The following SPINK5 variants were observed in gnomAD, a reference collection of about 807,000 sequenced individuals.
SPINK5 encodes the protein serine protease inhibitor Kazal-type 5.
Under a neutral mutation model 151.8 loss-of-function variants are expected in SPINK5, and 125 were observed. The observed-to-expected ratio is 0.82, with a 90% CI of 0.71 to 0.96. SPINK5 has a LOEUF of 0.96. Among genes scored for constraint, SPINK5 ranks in the 40% least tolerant of loss-of-function variants. The pLI is 0.00. For synonymous variants in SPINK5, 374 were observed against 395.3 expected (o/e 0.95, Z 0.64); for missense variants, 1,194 against 1,291.9 (o/e 0.92, Z 1.16).
Position 148,112,930 on chromosome 5 carries a change from A to T in SPINK5, c.1883A>T (p.Glu628Val). The T allele has an allele frequency of 6.2e-7, 1 of 1,613,746 alleles. No homozygotes were observed. The highest frequency in any genetic ancestry group is 8.5e-7 in the Non-Finnish European group (1 of 1,179,814). The stretch of plus-strand genomic sequence containing the variant: ...AGAGCAAAAGTCAAAAGAGAAGCTG[A>T]AAAGGTAGTAATCCTGAATGTTTAT... ...EPRAKVKREAEKETCDEFRRL... is the reference protein window; with the variant it reads ...EPRAKVKREAVKETCDEFRRL... Residue 628 changes from glutamate to valine, a missense_variant, in exon 20 of 33, where the codon GAA becomes GTA. Transcript: ENST00000256084.
intron 30 of SPINK5, among the ~76,000 whole-genome samples, chr5:148,130,163 CT>C (rs1215399003): frequency 6.6e-6 from 1 of 151,798 alleles, no homozygotes; most frequent in African/African-American, 2.4e-5. Flanking sequence ...TTTAGAACCT[CT>C]TTCTTTTCTA....
At chr5:148,094,115 T>C (rs1365037423) in intron 8 of SPINK5, among the ~76,000 whole-genome samples, 1 of 151,834 alleles carries the variant, frequency 6.6e-6, no homozygotes, top group African/African-American at 2.4e-5. Context: ...GGCAACATGA[T>C]GAGATCCAGT....
chr5:148,123,512 A>ATTATATATATATATATATAT (rs1561703850), intron 26 of SPINK5, among the ~76,000 whole-genome samples: 5 of 120,952 alleles, frequency 4.1e-5, no homozygotes, highest in African/African-American at 1.8e-4. Flanking sequence ...GCAGTGGTGC[A>ATTATATATATATATATATAT]ATATATGTGT....
At chr5:148,113,883 A>G (rs1754012238) in intron 20 of SPINK5, among the ~76,000 whole-genome samples, 1 of 152,176 alleles carries the variant, frequency 6.6e-6, no homozygotes, top group African/African-American at 2.4e-5. Context: ...TTCTTTTGCT[A>G]AATATAACTA....
At chr5:148,069,234 TTAA>T (rs891644358) in intron 2 of SPINK5, among the ~76,000 whole-genome samples, 114 of 151,824 alleles carry the variant, frequency 7.5e-4, no homozygotes, top group African/African-American at 2.3e-3. Flanking sequence ...TAGCAGGACT[TTAA>T]TAATAATATT....
intron 24 of SPINK5, among the ~76,000 whole-genome samples, chr5:148,119,776 A>G (rs1033767317): frequency 2.0e-5 from 3 of 152,196 alleles, no homozygotes; most frequent in African/African-American, 4.8e-5. Context: ...AATTCAACTG[A>G]TTAGCAATCT....
chr5:148,086,755 T>C (rs1449148012), intron 5 of SPINK5, among the ~76,000 whole-genome samples: 3 of 151,650 alleles, frequency 2.0e-5, no homozygotes, highest in African/African-American at 7.3e-5. Context: ...TATCAGATGG[T>C]TATCACTTTA....
At chr5:148,074,555 T>C (rs1219064419) in intron 4 of SPINK5, among the ~76,000 whole-genome samples, 1 of 151,830 alleles carries the variant, frequency 6.6e-6, no homozygotes, top group Non-Finnish European at 1.5e-5. Context: ...CTTTAATAAC[T>C]AGTATGGTAA....
intron 2 of SPINK5, among the ~76,000 whole-genome samples, chr5:148,066,701 G>A (rs1752596075): frequency 6.6e-6 from 1 of 151,950 alleles, no homozygotes; most frequent in Non-Finnish European, 1.5e-5. Context: ...GAAAAAAGAA[G>A]GATATTATAT....
In SPINK5 at chr5:148,070,451, G is replaced by T; in HGVS notation, c.209+1G>T. On this transcript the variant is annotated splice_donor_variant, in intron 3 of 32. Coordinates refer to ENST00000256084, the MANE Select transcript of SPINK5 (RefSeq NM_006846.4). LOFTEE classifies it high-confidence loss of function. Reference sequence around the variant, plus strand: ...AATGTGCCACGTGCAAAATGATACTGTGAGTAAAGGTTTCTTTCTTTCTTT... The same window carrying T: ...AATGTGCCACGTGCAAAATGATACTTTGAGTAAAGGTTTCTTTCTTTCTTT... 1.2e-6 allele frequency: 2 copies of T among 1,612,204 alleles called. No individual in the cohort carries two copies. Among genetic ancestry groups the T allele is most frequent in the Non-Finnish European group, 1.7e-6 (2 of 1,178,796 alleles).
rs377250653 is a variant in SPINK5, at chr5:148,114,271, T to TC, written c.1888-91_1888-90insC. ...AAATTCTCAGGTCATTTTCTCTCTC[T>TC]TTTTTTTTTTTCTATAAAGCACTTA... On this transcript the variant is annotated intron_variant, in intron 20 of 32. Coordinates refer to ENST00000256084, the MANE Select transcript of SPINK5 (RefSeq NM_006846.4). 1,472 of 856,112 alleles carry TC rather than the reference T, an allele frequency of 1.7e-3. 17 individuals are homozygous for TC. The East Asian group carries it at 0.05, about 29-fold the overall frequency. 53.0% of individuals were successfully genotyped at this position (856,112 alleles called of 1,614,324 possible).
intron 16 of SPINK5, 131 bp from the exon 17 acceptor site, chr5:148,106,902 ATACT>A (rs1429924517): frequency 7.1e-6 from 8 of 1,124,132 alleles, no homozygotes; most frequent in Non-Finnish European, 1.0e-5. Flanking sequence ...AGCTTTGTAA[ATACT>A]TACTGATTTA....
intron 2 of SPINK5, among the ~76,000 whole-genome samples, chr5:148,068,515 C>G (rs1156377350): frequency 8.5e-6 from 1 of 117,244 alleles, no homozygotes; most frequent in East Asian, 2.7e-4. Context: ...TACTGGAGTT[C>G]AAGACCAGCC....
chr5:148,127,080 G>A lies in SPINK5; in HGVS notation c.2964+1G>A. The A allele has an allele frequency of 1.9e-6, 3 of 1,608,888 alleles. No individual in the cohort carries two copies. Among genetic ancestry groups the A allele is most frequent in the Non-Finnish European group, 2.6e-6 (3 of 1,176,088 alleles). ...CAGCCCAGACTCTTTCAGTTCTCTG[G>A]TAAGGAGGACTATTTCTGAAAAGCT... On this transcript the variant is annotated splice_donor_variant, in intron 30 of 32. Coordinates refer to ENST00000256084, the MANE Select transcript of SPINK5 (RefSeq NM_006846.4). LOFTEE classifies it high-confidence loss of function.
intron 7 of SPINK5, 89 bp downstream of exon 7, chr5:148,089,710 C>A: frequency 6.3e-7 from 1 of 1,584,600 alleles, no homozygotes; most frequent in South Asian, 1.1e-5. Flanking sequence ...AAATCCTTTT[C>A]ATGAAGCATG....
chr5:148,123,446 T>TATATATAG (rs1554106814), intron 26 of SPINK5, among the ~76,000 whole-genome samples: 6 of 36,702 alleles, frequency 1.6e-4, no homozygotes, highest in East Asian at 1.4e-3. Flanking sequence ...TCTATCTATC[T>TATATATAG]ATATATATAA....
At chr5:148,123,680 G>T (rs1321334557) in intron 26 of SPINK5, among the ~76,000 whole-genome samples, 153 bp from the exon 27 acceptor site, 2 of 151,472 alleles carry the variant, frequency 1.3e-5, no homozygotes, top group Admixed American at 1.3e-4. Flanking sequence ...GGTAGAGATT[G>T]AATAAAGTGC....
rs1753402720 is a variant in SPINK5, at chr5:148,094,470, T to A, written c.783T>A (p.Cys261Ter). The A allele has an allele frequency of 3.1e-6, 5 of 1,612,530 alleles. No individual in the cohort carries two copies. Among genetic ancestry groups the A allele is most frequent in the Non-Finnish European group, 4.2e-6 (5 of 1,178,964 alleles). ...GRMHGNKCAL[C>*]AEIFKQRFSE... ...TGCATGGCAACAAATGTGCCCTGTGTGCTGAAATTTTGTGAGTATAGAAGT... is the reference window on the plus strand; with the variant it reads ...TGCATGGCAACAAATGTGCCCTGTGAGCTGAAATTTTGTGAGTATAGAAGT... The change falls in exon 9 of 33, where the codon TGT becomes TGA. Residue 261 changes from cysteine to a stop codon, truncating the protein, a stop_gained. Transcript: ENST00000256084. LOFTEE classifies it high-confidence loss of function.
At position 148,131,394 on chromosome 5, in the gene SPINK5, G is replaced by C. The variant is rs753412029; in HGVS notation, c.3095+5G>C. 1.2e-6 allele frequency: 2 copies of C among 1,613,766 alleles called. No individual in the cohort carries two copies. The highest frequency in any genetic ancestry group is 8.5e-7 in the Non-Finnish European group (1 of 1,179,716). ...CATGCTCTGTCATGAAAACCTGTAA[G>C]TATTCAAGTTGCCCCATCATATCTT... On this transcript the variant is annotated splice_donor_5th_base_variant and intron_variant, in intron 31 of 32. Coordinates refer to ENST00000256084, the MANE Select transcript of SPINK5 (RefSeq NM_006846.4).
Sources: allele counts gnomAD v4.1 joint callset (sites outside exome capture counted in the v4.1 genomes callset), GRCh38; gene constraint gnomAD v4.1.1; transcripts MANE v1.5; gene names NCBI Gene and HGNC (gene_info 2026-07-23, HGNC 2026-07-21).